The following BANP variants were observed in gnomAD, a reference collection of about 807,000 sequenced individuals.
BANP encodes the protein BTG3 associated nuclear protein.
A neutral mutation model predicts 68.1 loss-of-function variants in BANP; 11 were observed. The observed-to-expected ratio is 0.16, with a 90% CI of 0.10 to 0.27. The LOEUF is 0.27. Ranked by LOEUF, BANP falls within the 10% of genes least tolerant of loss-of-function variation. The pLI is 1.00. For missense variants in BANP, 504 were observed against 722.7 expected (o/e 0.70, Z 3.47); for synonymous variants, 329 against 303.2 (o/e 1.09, Z -0.88).
At chr16:88,025,884 T>A (rs1567794111) in intron 7 of BANP, among the ~76,000 whole-genome samples, 1 of 152,248 alleles carries the variant, frequency 6.6e-6, no homozygotes, top group East Asian at 1.9e-4. Context: ...TCCATCCATG[T>A]ATTTTCCTGT....
At chr16:88,027,269 G>A (rs942341418) in intron 7 of BANP, among the ~76,000 whole-genome samples, 1 of 152,102 alleles carries the variant, frequency 6.6e-6, no homozygotes, top group African/African-American at 2.4e-5. Flanking sequence ...ACCTTAGTGA[G>A]CATTTATATC....
At chr16:88,046,923 G>A (rs1311348450) in intron 11 of BANP, among the ~76,000 whole-genome samples, 5 of 151,986 alleles carry the variant, frequency 3.3e-5, no homozygotes, top group South Asian at 2.1e-4. Flanking sequence ...AAAATTAGCC[G>A]GACGTGGGGG....
intron 1 of BANP, among the ~76,000 whole-genome samples, 174 bp downstream of exon 1, chr16:87,951,689 G>T (rs1394398076): frequency 2.7e-5 from 4 of 148,732 alleles, no homozygotes; most frequent in Non-Finnish European, 4.5e-5. Context: ...CCCGCTCCCC[G>T]TCCCCGGCCG....
chr16:87,980,647 G>C (rs1305027790), intron 2 of BANP: 1 of 213,824 alleles, frequency 4.7e-6, no homozygotes, highest in Non-Finnish European at 9.5e-6. Flanking sequence ...GGGTGGCTTT[G>C]ATTTTGGAAT....
chr16:87,952,965 T>C (rs998397595), intron 1 of BANP, among the ~76,000 whole-genome samples: 14 of 152,160 alleles, frequency 9.2e-5, no homozygotes, highest in Non-Finnish European at 2.1e-4. Flanking sequence ...AGAGGGGGTT[T>C]CGCCTTGTTG....
chr16:88,042,563 G>C (rs2081087031), intron 11 of BANP, among the ~76,000 whole-genome samples: 1 of 152,232 alleles, frequency 6.6e-6, no homozygotes, highest in Non-Finnish European at 1.5e-5. Context: ...ATCGCTGGCT[G>C]GGAGAGGGAA....
intron 11 of BANP, among the ~76,000 whole-genome samples, chr16:88,062,720 A>G (rs917446696): frequency 2.6e-5 from 4 of 152,200 alleles, no homozygotes; most frequent in Non-Finnish European, 5.9e-5. Context: ...TGGTTTGGAA[A>G]TGCCTCAGAC....
At position 88,057,532 on chromosome 16, in the gene BANP, C is replaced by T. The variant is rs1393385655; in HGVS notation, c.1312-7735C>T. Among the ~76,000 whole-genome samples the T allele has an allele frequency of 6.6e-6, 1 of 152,032 alleles. No individual in the cohort carries two copies. Among genetic ancestry groups the T allele is most frequent in the Non-Finnish European group, 1.5e-5 (1 of 68,008 alleles). ...GAGGAGTGAAAAACACCCCTCAGGT[C>T]GCTTCATGCTGATTCTGTTTAGGCC... On this transcript the variant is annotated intron_variant, in intron 11 of 13. Transcript: ENST00000682872. The surrounding 1 kb of genome is among the most constrained non-coding windows in gnomAD (Gnocchi z 4.6).
chr16:87,986,655 C>T (rs1038843292), intron 4 of BANP, among the ~76,000 whole-genome samples: 16 of 152,308 alleles, frequency 1.1e-4, no homozygotes, highest in Admixed American at 8.5e-4. Flanking sequence ...TGTCTGTGCT[C>T]ATGAAAACAT....
At chr16:88,014,858 C>G (rs2152632600) in intron 6 of BANP, among the ~76,000 whole-genome samples, 1 of 152,128 alleles carries the variant, frequency 6.6e-6, no homozygotes, top group African/African-American at 2.4e-5. Flanking sequence ...CCTCATGTAC[C>G]CAGAGTTCCC....
chr16:88,023,206 G>A (rs1043438458), intron 7 of BANP, among the ~76,000 whole-genome samples: 2 of 152,214 alleles, frequency 1.3e-5, no homozygotes, highest in African/African-American at 4.8e-5. Flanking sequence ...AGGCAGAAAA[G>A]TGAGCAGAGC....
chr16:88,033,182 C>G lies in BANP; in HGVS notation c.1137C>G (p.Tyr379Ter). 6.2e-7 allele frequency: 1 copy of G among 1,611,632 alleles called. No individual in the cohort carries two copies. The highest frequency in any genetic ancestry group is 8.5e-7 in the Non-Finnish European group (1 of 1,178,150). The change falls in exon 9 of 14, where the codon TAC becomes TAG. Residue 379 changes from tyrosine (Y) to a stop codon, truncating the protein, a stop_gained. Transcript: ENST00000682872. LOFTEE classifies it high-confidence loss of function. Reference protein sequence around the residue: ...QPQPQPQALHYALANAQQVQI... With the variant: ...QPQPQPQALH ...AGCCGCAGCCGCAGGCCCTGCACTACGCGCTGGCCAACGCACAGCAGGTGC... is the reference window on the plus strand; with the variant it reads ...AGCCGCAGCCGCAGGCCCTGCACTAGGCGCTGGCCAACGCACAGCAGGTGC...
At chr16:88,046,082 G>T (rs1380790709) in intron 11 of BANP, among the ~76,000 whole-genome samples, 1 of 152,246 alleles carries the variant, frequency 6.6e-6, no homozygotes, top group African/African-American at 2.4e-5. Context: ...TGCCCAGGTG[G>T]TGAGTAGGCG....
At chr16:87,989,654 T>C (rs57781083) in intron 4 of BANP, among the ~76,000 whole-genome samples, 18,479 of 34,790 alleles carry the variant, frequency 0.53, 4,940 homozygotes, top group African/African-American at 0.59. Context: ...GGGCGGGTGA[T>C]GGGGGATGCA....
At chr16:88,020,764 G>A (rs551256467) in intron 7 of BANP, among the ~76,000 whole-genome samples, 1 of 152,362 alleles carries the variant, frequency 6.6e-6, no homozygotes, top group Admixed American at 6.5e-5. Context: ...TGAAGCTGGA[G>A]GCCGGCTGGC....
intron 4 of BANP, among the ~76,000 whole-genome samples, chr16:87,988,791 G>A (rs1302649829): frequency 2.0e-5 from 3 of 152,200 alleles, no homozygotes; most frequent in Non-Finnish European, 2.9e-5. Flanking sequence ...GCCCCCTGCG[G>A]TATCACATGC....
At position 87,975,038 on chromosome 16, in the gene BANP, T is replaced by C. The variant is rs1597969577; in HGVS notation, c.-68-10T>C. Reference sequence around the variant, plus strand: ...ATGTCCTCTCCTCCTCCTTTGCTTCTGTTTGGTAGGTGACCAAAAGCCAGC... The same window carrying C: ...ATGTCCTCTCCTCCTCCTTTGCTTCCGTTTGGTAGGTGACCAAAAGCCAGC... On this transcript the variant is annotated splice_polypyrimidine_tract_variant and intron_variant, in intron 1 of 13. Coordinates refer to ENST00000682872, the MANE Select transcript of BANP (RefSeq NM_001386991.1). 8.0e-7 allele frequency: 1 copy of C among 1,247,410 alleles called. No individual in the cohort carries two copies. Among genetic ancestry groups the C allele is most frequent in the East Asian group, 2.3e-5 (1 of 42,914 alleles). The allele number at this position is 1,247,410 out of a possible 1,614,324, so 77.3% of individuals were successfully genotyped here.
rs201016454 is a variant in BANP at position 88,076,553 on chromosome 16, A to T, written c.1522-37A>T. 113 of 1,595,436 alleles carry T rather than the reference A, an allele frequency of 7.1e-5. No homozygotes were observed. The African/African-American group carries it at 1.4e-3, about 20-fold the overall frequency. ...ACCCCCTGGCCATGCAGTGCTGGGT[A>T]TTTTTCTAGAAAGTCCCTCCTTTCT... On this transcript the variant is annotated intron_variant, in intron 13 of 13. Transcript: ENST00000682872.
At chr16:88,048,265 G>T (rs561237429) in intron 11 of BANP, among the ~76,000 whole-genome samples, 1 of 152,164 alleles carries the variant, frequency 6.6e-6, no homozygotes, top group Non-Finnish European at 1.5e-5. Flanking sequence ...ATAATTTTCC[G>T]GAAGCATCTA....
Sources: allele counts gnomAD v4.1 joint callset (sites outside exome capture counted in the v4.1 genomes callset), GRCh38; gene constraint gnomAD v4.1.1; non-coding constraint Gnocchi (gnomAD v3.1); transcripts MANE v1.5; gene names NCBI Gene and HGNC (gene_info 2026-07-23, HGNC 2026-07-21).